Variants in GPR137B observed in about 807,000 individuals in gnomAD.
GPR137B encodes integral membrane protein GPR137B.
A neutral mutation model predicts 42.5 loss-of-function variants in GPR137B; 42 were observed. That is an observed-to-expected ratio of 0.99 (90% CI 0.77 to 1.28). The LOEUF is 1.28. GPR137B is among the 50% of genes most tolerant of loss of function. The pLI is 0.00. For missense variants in GPR137B, 487 were observed against 493.9 expected (o/e 0.99, Z 0.13); for synonymous variants, 218 against 209.7 (o/e 1.04, Z -0.34).
In GPR137B at chr1:236,142,578, G is replaced by A. The variant is rs1007777863; in HGVS notation, c.-45G>A. On this transcript the variant is annotated 5_prime_UTR_variant, in exon 1 of 7. Coordinates refer to ENST00000366592, the MANE Select transcript of GPR137B (RefSeq NM_003272.4). The stretch of plus-strand genomic sequence containing the variant: ...AGTCTCGGGGCTGCAGGCTGAGCGC[G>A]ATGCGCGGAGACCCCCGCGGGGGCG... The A allele has an allele frequency of 1.5e-5, 17 of 1,163,326 alleles. No homozygotes were observed. The highest frequency in any genetic ancestry group is 6.3e-4 in the Middle Eastern group (2 of 3,180). The allele number at this position is 1,163,326 out of a possible 1,614,324, so 72.1% of individuals were successfully genotyped here.
intron 5 of GPR137B, among the ~76,000 whole-genome samples, chr1:236,193,891 CT>C (rs2102921170): frequency 6.6e-6 from 1 of 152,288 alleles, no homozygotes; most frequent in Admixed American, 6.5e-5. Context: ...CTGTATTTAT[CT>C]TTTGTTGCTC....
In GPR137B at chr1:236,208,134, T is replaced by G. The variant is rs772213355; in HGVS notation, c.1176T>G (p.Asp392Glu). The G allele has an allele frequency of 1.2e-6, 2 of 1,613,940 alleles. No individual in the cohort carries two copies. The highest frequency in any genetic ancestry group is 3.3e-5 in the Admixed American group (2 of 60,028). ...GAACTTTGCAAGACTCAACTTTGGATCCTGACAAACCAAGCCTTGGGTAGC... is the reference window on the plus strand; with the variant it reads ...GAACTTTGCAAGACTCAACTTTGGAGCCTGACAAACCAAGCCTTGGGTAGC... ...QAGTLQDSTL[D>E]PDKPSLG The change falls in exon 7 of 7, where the codon GAT (aspartate) becomes GAG (glutamate). Residue 392 changes from aspartate to glutamate, a missense_variant. Coordinates refer to ENST00000366592, the MANE Select transcript of GPR137B (RefSeq NM_003272.4).
At position 236,149,722 on chromosome 1, in the gene GPR137B, C is replaced by T. The variant is rs528911087; in HGVS notation, c.414+6686C>T. On this transcript the variant is annotated intron_variant, in intron 1 of 6. Coordinates refer to ENST00000366592, the MANE Select transcript of GPR137B (RefSeq NM_003272.4). ...GGAAACAGACAAGGCGGGCCAAGGG[C>T]AAGGACTGTGCTCAGCCTGGCCTCT... Among the ~76,000 whole-genome samples, 344 of 152,362 alleles carry T rather than the reference C, an allele frequency of 2.3e-3. 1 individual carries two copies. Among genetic ancestry groups the T allele is most frequent in the Non-Finnish European group, 3.6e-3 (247 of 68,028 alleles).
rs951230596 is a variant in GPR137B at position 236,142,597 on chromosome 1, G to A, written c.-26G>A. 485 of 1,286,232 alleles carry A rather than the reference G, an allele frequency of 3.8e-4. 4 individuals are homozygous for A. In the African/African-American group the frequency reaches 6.8e-3, roughly 18 times the overall value. 79.7% of individuals were successfully genotyped at this position (1,286,232 alleles called of 1,614,324 possible). On this transcript the variant is annotated 5_prime_UTR_variant, in exon 1 of 7. Transcript: ENST00000366592. ...GAGCGCGATGCGCGGAGACCCCCGC[G>A]GGGGCGGCGGCGGCCGTGAGCCCCG...
intron 2 of GPR137B, among the ~76,000 whole-genome samples, chr1:236,170,920 G>A (rs946828994): frequency 2.7e-5 from 4 of 150,810 alleles, no homozygotes; most frequent in African/African-American, 4.9e-5. Context: ...AGATTGCAGT[G>A]TGTGGAGATC....
intron 5 of GPR137B, among the ~76,000 whole-genome samples, chr1:236,199,660 T>A (rs1663438595): frequency 6.6e-6 from 1 of 152,122 alleles, no homozygotes; most frequent in Non-Finnish European, 1.5e-5. Flanking sequence ...GTGTTCGTAG[T>A]AACCTTGAAT....
intron 5 of GPR137B, among the ~76,000 whole-genome samples, chr1:236,201,412 A>AGTT (rs200946614): frequency 7.5e-5 from 7 of 92,980 alleles, no homozygotes; most frequent in East Asian, 8.3e-4. Context: ...CAGGAACACC[A>AGTT]ATTATTATGT....
intron 5 of GPR137B, among the ~76,000 whole-genome samples, chr1:236,184,949 T>C (rs1336924277): frequency 6.6e-6 from 1 of 152,078 alleles, no homozygotes; most frequent in Non-Finnish European, 1.5e-5. Flanking sequence ...GTATTTTTAG[T>C]AGAGACAGGG....
rs376403697 is a variant in GPR137B at position 236,151,544 on chromosome 1, C to T, written c.414+8508C>T. On this transcript the variant is annotated intron_variant, in intron 1 of 6. Coordinates refer to ENST00000366592, the MANE Select transcript of GPR137B (RefSeq NM_003272.4). Reference sequence around the variant, plus strand: ...GTTCAAGTGATTCTCCTGCCACAGCCTCCCGAGTAGCTGGGACTACAGGTG... The same window carrying T: ...GTTCAAGTGATTCTCCTGCCACAGCTTCCCGAGTAGCTGGGACTACAGGTG... 5.9e-5 allele frequency among the ~76,000 whole-genome samples: 9 copies of T among 151,638 alleles called. No homozygotes were observed. In the East Asian group the frequency reaches 1.8e-3, roughly 30 times the overall value.
At chr1:236,166,982 A>G (rs1446368600) in intron 1 of GPR137B, among the ~76,000 whole-genome samples, 3 of 152,068 alleles carry the variant, frequency 2.0e-5, no homozygotes, top group Admixed American at 6.5e-5. Flanking sequence ...GCGGGTATGC[A>G]CGTTGAGCAC....
rs927780202 is a variant in GPR137B, at chr1:236,142,918, A to G, written c.296A>G (p.Tyr99Cys). The part of the protein sequence containing the change: ...ASLRTVLFSF[Y>C]FKDFVAANSL... Reference sequence around the variant, plus strand: ...CTGCGGACCGTCCTCTTCTCCTTCTACTTCAAAGACTTCGTGGCGGCCAAT... The same window carrying G: ...CTGCGGACCGTCCTCTTCTCCTTCTGCTTCAAAGACTTCGTGGCGGCCAAT... Residue 99 changes from tyrosine to cysteine, a missense_variant, in exon 1 of 7, where the codon TAC becomes TGC. Transcript: ENST00000366592. The G allele has an allele frequency of 6.2e-7, 1 of 1,614,070 alleles. No homozygotes were observed. Among genetic ancestry groups the G allele is most frequent in the Admixed American group, 1.7e-5 (1 of 60,026 alleles).
At chr1:236,169,228 ACAGGTGCAGGTG>A (rs1160645210) in intron 2 of GPR137B, among the ~76,000 whole-genome samples, 3 of 126,520 alleles carry the variant, frequency 2.4e-5, no homozygotes, top group Admixed American at 7.3e-5. Flanking sequence ...AGGTACAGGT[ACAGGTGCAGGTG>A]CAGGTGCAGG....
rs1663729571 is a variant in GPR137B at position 236,208,422 on chromosome 1, A to G, written c.*264A>G. ...GTACTTTTATAAAGATGTATTTTGTATAACTTAAATAATAATGCTAAAGTA... is the reference window on the plus strand; with the variant it reads ...GTACTTTTATAAAGATGTATTTTGTGTAACTTAAATAATAATGCTAAAGTA... On this transcript the variant is annotated 3_prime_UTR_variant, in exon 7 of 7. Transcript: ENST00000366592. The G allele has an allele frequency of 7.1e-6, 7 of 991,716 alleles. No individual in the cohort carries two copies. Among genetic ancestry groups the G allele is most frequent in the East Asian group, 7.7e-5 (2 of 26,014 alleles). The allele number at this position is 991,716 out of a possible 1,614,324, so 61.4% of individuals were successfully genotyped here.
At chr1:236,152,925 G>A (rs1460511025) in intron 1 of GPR137B, among the ~76,000 whole-genome samples, 1 of 151,360 alleles carries the variant, frequency 6.6e-6, no homozygotes, top group Non-Finnish European at 1.5e-5. Context: ...GTGCAGTGGC[G>A]GGCGCCTGTA....
In GPR137B at chr1:236,142,783, C is replaced by G. The variant is rs776927315; in HGVS notation, c.161C>G (p.Ala54Gly). 2.5e-6 allele frequency: 4 copies of G among 1,613,874 alleles called. No homozygotes were observed. Among genetic ancestry groups the G allele is most frequent in the Admixed American group, 3.3e-5 (2 of 60,032 alleles). The change falls in exon 1 of 7, where the codon GCG becomes GGG. Residue 54 changes from alanine (A) to glycine (G), a missense_variant. Transcript: ENST00000366592. ...GLTVVYTVFY[A>G]LLFVFIYVQL... is the part of the protein sequence containing the mutation. The stretch of plus-strand genomic sequence containing the variant: ...ACCGTCGTCTACACCGTGTTCTACG[C>G]GCTGCTCTTCGTGTTCATCTACGTG...
rs1003769749 is a variant in GPR137B, at chr1:236,156,565, G to T, written c.415-12141G>T. On this transcript the variant is annotated intron_variant, in intron 1 of 6. Transcript: ENST00000366592. The surrounding 1 kb of genome is among the most constrained non-coding windows in gnomAD (Gnocchi z 4.8). Reference sequence around the variant, plus strand: ...AGGCATAGAGGCCCCGCCCTTGCTCGCACTGTCTTGGAGACTGAGCCTCAA... The same window carrying T: ...AGGCATAGAGGCCCCGCCCTTGCTCTCACTGTCTTGGAGACTGAGCCTCAA... Among the ~76,000 whole-genome samples the T allele has an allele frequency of 6.6e-6, 1 of 152,164 alleles. No individual in the cohort carries two copies. Among genetic ancestry groups the T allele is most frequent in the Non-Finnish European group, 1.5e-5 (1 of 68,034 alleles).
At chr1:236,154,089 T>G (rs1031952085) in intron 1 of GPR137B, among the ~76,000 whole-genome samples, 20 of 152,150 alleles carry the variant, frequency 1.3e-4, no homozygotes, top group Admixed American at 3.3e-4. Context: ...AGCAGGTGTA[T>G]TCTCACCAGA....
Position 236,208,084 on chromosome 1 carries a change from A to AC in GPR137B, c.1127dup (p.Asn377Ter). The AC allele has an allele frequency of 1.2e-6, 2 of 1,613,562 alleles. No homozygotes were observed. The highest frequency in any genetic ancestry group is 1.7e-6 in the Non-Finnish European group (2 of 1,179,508). On this transcript the variant is annotated frameshift_variant, in exon 7 of 7. Transcript: ENST00000366592. LOFTEE classifies it high-confidence loss of function. ...AGATTACTATGATTGGGGACAACAAACTAACAGCTTCCTGGCACAAGCAGG... is the reference window on the plus strand; with the variant it reads ...AGATTACTATGATTGGGGACAACAAACCTAACAGCTTCCTGGCACAAGCAGG...
At position 236,178,403 on chromosome 1, in the gene GPR137B, A is replaced by G. The variant is rs1335242668; in HGVS notation, c.465-11A>G. 1.3e-6 allele frequency: 2 copies of G among 1,574,498 alleles called. No homozygotes were observed. The highest frequency in any genetic ancestry group is 1.4e-5 in the African/African-American group (1 of 74,070). ...GATGTGCAGCTGACAAGTTGCTCTC[A>G]TGCCTTCCAGGTTGCCCCTCTACCT... On this transcript the variant is annotated splice_polypyrimidine_tract_variant and intron_variant, in intron 2 of 6. Transcript: ENST00000366592.
Sources: gnomAD v4.1 joint callset for allele counts (sites outside exome capture counted in the v4.1 genomes callset) on GRCh38, gnomAD v4.1.1 for gene constraint, Gnocchi (gnomAD v3.1) non-coding constraint, MANE v1.5 for transcripts, NCBI Gene and HGNC (gene_info 2026-07-23, HGNC 2026-07-21) for gene names.